SLC26A4: variants seen among roughly 807,000 people sequenced by gnomAD.
SLC26A4 encodes solute carrier family 26 member 4.
SLC26A4 carries 93 observed loss-of-function variants against 90.4 expected under a neutral mutation model. That is an observed-to-expected ratio of 1.03 (90% CI 0.87 to 1.22). The LOEUF is 1.22. Among genes scored for constraint, SLC26A4 ranks in the 50% most tolerant of loss-of-function variants. SLC26A4 has a pLI of 0.00. For missense variants in SLC26A4, 1,127 were observed against 946.2 expected (o/e 1.19, Z -2.51); for synonymous variants, 393 against 354.6 (o/e 1.11, Z -1.22).
chr7:107,677,005 C>T (rs769538834), intron 6 of SLC26A4, among the ~76,000 whole-genome samples: 1 of 152,048 alleles, frequency 6.6e-6, no homozygotes, highest in Non-Finnish European at 1.5e-5. Context: ...AAAACCTTGT[C>T]CCTACTAATA....
chr7:107,712,678 T>C, intron 20 of SLC26A4, 56 bp downstream of exon 20: 1 of 913,406 alleles, frequency 1.1e-6, no homozygotes, highest in South Asian at 1.3e-5. Context: ...ATAATTAGAG[T>C]AATACAAATA....
intron 3 of SLC26A4, among the ~76,000 whole-genome samples, chr7:107,668,882 T>TGACAA (rs1790787838): frequency 6.6e-6 from 1 of 152,236 alleles, no homozygotes; most frequent in South Asian, 2.1e-4. Flanking sequence ...TAGCACCTGC[T>TGACAA]TTGCCAGTAT....
At chr7:107,691,134 C>CACAA (rs1213782155) in intron 10 of SLC26A4, among the ~76,000 whole-genome samples, 1 of 150,520 alleles carries the variant, frequency 6.6e-6, no homozygotes, top group Non-Finnish European at 1.5e-5. Flanking sequence ...CACACACACA[C>CACAA]ACACACACAT....
intron 8 of SLC26A4, among the ~76,000 whole-genome samples, chr7:107,684,637 T>C (rs1347951430): frequency 6.6e-6 from 1 of 152,176 alleles, no homozygotes; most frequent in Non-Finnish European, 1.5e-5. Context: ...GGGATCCTTT[T>C]TCACACAGAT....
chr7:107,693,877 G>A (rs548244629), intron 10 of SLC26A4, among the ~76,000 whole-genome samples: 1 of 152,324 alleles, frequency 6.6e-6, no homozygotes, highest in East Asian at 1.9e-4. Context: ...AATAGGATGA[G>A]TAAATTTATT....
chr7:107,694,934 A>C (rs1791695100), intron 12 of SLC26A4, among the ~76,000 whole-genome samples: 1 of 152,224 alleles, frequency 6.6e-6, no homozygotes, highest in Non-Finnish European at 1.5e-5. Flanking sequence ...AATTTCCAGC[A>C]AGAATCCCAT....
intron 18 of SLC26A4, among the ~76,000 whole-genome samples, chr7:107,707,566 A>G (rs1036662732): frequency 1.3e-5 from 2 of 152,224 alleles, no homozygotes; most frequent in African/African-American, 2.4e-5. Context: ...ATTGACAAGG[A>G]TATTTGGATA....
In SLC26A4 at chr7:107,717,784, C is replaced by G. The variant is rs2129321425; in HGVS notation, c.*2338C>G. On this transcript the variant is annotated 3_prime_UTR_variant, in exon 21 of 21. Coordinates refer to ENST00000644269, the MANE Select transcript of SLC26A4 (RefSeq NM_000441.2). ...AAATGTAAAGTTGTCTTTTAAACTA[C>G]TCGGATGTGTCCTTTCTGAACAAAA... 1 of 152,648 alleles carries G rather than the reference C, an allele frequency of 6.6e-6. No individual in the cohort carries two copies. The highest frequency in any genetic ancestry group is 1.9e-4 in the East Asian group (1 of 5,180). 9.5% of individuals were successfully genotyped at this position (152,648 alleles called of 1,614,324 possible).
At chr7:107,714,365 C>G (rs1040748492) in intron 20 of SLC26A4, among the ~76,000 whole-genome samples, 1 of 152,112 alleles carries the variant, frequency 6.6e-6, no homozygotes, top group Admixed American at 6.6e-5. Context: ...ACATTCAACC[C>G]CCTATAGTGA....
chr7:107,696,431 T>A lies in SLC26A4; in HGVS notation c.1544+392T>A, dbSNP rs114088214. On this transcript the variant is annotated intron_variant, in intron 13 of 20. Coordinates refer to ENST00000644269, the MANE Select transcript of SLC26A4 (RefSeq NM_000441.2). ...CAAAGGCTGAAGTTGCTTTGTAGTTTCTTCTTTAAATGAGATGAGGAATGT... is the reference window on the plus strand; with the variant it reads ...CAAAGGCTGAAGTTGCTTTGTAGTTACTTCTTTAAATGAGATGAGGAATGT... Among the ~76,000 whole-genome samples, 1,247 of 152,350 alleles carry A rather than the reference T, an allele frequency of 8.2e-3. 11 individuals carry two copies. The highest frequency in any genetic ancestry group is 0.028 in the African/African-American group (1,161 of 41,588).
chr7:107,674,068 C>A, intron 4 of SLC26A4, 96 bp from the exon 5 acceptor site: 2 of 1,254,026 alleles, frequency 1.6e-6, no homozygotes, highest in Non-Finnish European at 1.2e-6. Flanking sequence ...TTCCTAGTCA[C>A]AGCTAAATCT....
Position 107,709,983 on chromosome 7 carries a change from ACT to A in SLC26A4, c.2090-68_2090-67del, listed in dbSNP as rs979074177. The A allele has an allele frequency of 5.5e-5, 73 of 1,326,962 alleles. No homozygotes were observed. In the African/African-American group the frequency reaches 8.6e-4, roughly 16 times the overall value. 82.2% of individuals were successfully genotyped at this position (1,326,962 alleles called of 1,614,324 possible). ...ACTCCAGCCTGGGCAATAGAATGAG[ACT>A]CTGTCTCAAAAACAAACAAAAATTT... On this transcript the variant is annotated intron_variant, in intron 18 of 20. Coordinates refer to ENST00000644269, the MANE Select transcript of SLC26A4 (RefSeq NM_000441.2).
In SLC26A4 at chr7:107,710,176, G is replaced by T. The variant is rs201693917; in HGVS notation, c.2212G>T (p.Gly738Cys). Residue 738 changes from glycine to cysteine, a missense_variant, in exon 19 of 21, where the codon GGT becomes TGT. Gly to Cys is a radical substitution (Grantham distance 159). Transcript: ENST00000644269. Reference protein sequence around the residue: ...YLQNQVKSQEGQGSILETITL... With the variant: ...YLQNQVKSQECQGSILETITL... The stretch of plus-strand genomic sequence containing the variant: ...ACAGAACCAAGTGAAATCTCAAGAG[G>T]GTCAAGGTTCCATTTTAGAAACGGT... 14 of 1,606,232 alleles carry T rather than the reference G, an allele frequency of 8.7e-6. No homozygotes were observed.
At chr7:107,680,018 AATCTTATTATATAATATAATCTT>A (rs1174473099) in intron 6 of SLC26A4, among the ~76,000 whole-genome samples, 5 of 132,902 alleles carry the variant, frequency 3.8e-5, no homozygotes, top group East Asian at 2.2e-4. Flanking sequence ...TATATAATAT[AATCTTATTATATAATATAATCTT>A]ATCTTATTAT....
At chr7:107,710,576 G>T (rs1792156768) in intron 19 of SLC26A4, among the ~76,000 whole-genome samples, 1 of 152,096 alleles carries the variant, frequency 6.6e-6, no homozygotes, top group Admixed American at 6.6e-5. Flanking sequence ...GGAAAACCTT[G>T]AATTATAAAT....
chr7:107,707,659 G>A (rs144449683), intron 18 of SLC26A4, among the ~76,000 whole-genome samples: 1,542 of 152,268 alleles, frequency 0.01, 27 homozygotes, highest in African/African-American at 0.035. Context: ...TTCTAGGAAT[G>A]TTATATAATT....
intron 13 of SLC26A4, 77 bp from the exon 14 acceptor site, chr7:107,697,965 G>A (rs1274349650): frequency 2.3e-6 from 2 of 881,146 alleles, no homozygotes; most frequent in Non-Finnish European, 3.9e-6. Context: ...GGGCTCTTTA[G>A]TAGCTGTTGT....
At chr7:107,662,923 G>T (rs1486176720) in intron 2 of SLC26A4, among the ~76,000 whole-genome samples, 1 of 152,126 alleles carries the variant, frequency 6.6e-6, no homozygotes, top group South Asian at 2.1e-4. Flanking sequence ...CTTCTTTAAA[G>T]AAAATAATAA....
chr7:107,717,265 C>G lies in SLC26A4; in HGVS notation c.*1819C>G, dbSNP rs1319842441. On this transcript the variant is annotated 3_prime_UTR_variant, in exon 21 of 21. Coordinates refer to ENST00000644269, the MANE Select transcript of SLC26A4 (RefSeq NM_000441.2). ...CCTGTAGTCCCAGCTATTTGGGAGG[C>G]TAAGGCAGGAGAATGGCGTGAACCC... 6.8e-6 allele frequency: 1 copy of G among 147,776 alleles called. No individual in the cohort carries two copies. The highest frequency in any genetic ancestry group is 2.5e-5 in the African/African-American group (1 of 39,872). The allele number at this position is 147,776 out of a possible 1,614,324, so 9.2% of individuals were successfully genotyped here. A position where few individuals can be genotyped will look rare whatever the true frequency, so the allele number is the denominator to read the frequency against.
Sources: allele counts gnomAD v4.1 joint callset (sites outside exome capture counted in the v4.1 genomes callset), GRCh38; gene constraint gnomAD v4.1.1; transcripts MANE v1.5; gene names NCBI Gene and HGNC (gene_info 2026-07-23, HGNC 2026-07-21).